SPMIP2: variants seen among roughly 807,000 people sequenced by gnomAD.
SPMIP2 encodes sperm microtubule inner protein 2, also known as protein SPMIP2.
At chr4:159,026,259 T>G in the SPMIP2 span, 8 of 545,712 alleles carry the variant, frequency 1.5e-5, no homozygotes, top group Admixed American at 1.9e-4. Context: ...TCATCATTTG[T>G]GATGACAAAA....
chr4:158,932,750 G>C, the SPMIP2 span, among the ~76,000 whole-genome samples: 2 of 152,156 alleles, frequency 1.3e-5, no homozygotes, highest in African/African-American at 4.8e-5. Context: ...TGGGTACAGG[G>C]CTTCTCAAAG....
the SPMIP2 span, among the ~76,000 whole-genome samples, chr4:158,958,892 A>C: frequency 6.6e-6 from 1 of 152,232 alleles, no homozygotes; most frequent in Admixed American, 6.5e-5. Context: ...ACATTTAATT[A>C]AACAAAAATT....
the SPMIP2 span, among the ~76,000 whole-genome samples, chr4:159,005,705 T>C: frequency 6.6e-6 from 1 of 152,228 alleles, no homozygotes; most frequent in African/African-American, 2.4e-5. Flanking sequence ...ATTGATTTCA[T>C]ATTGAAATAA....
the SPMIP2 span, among the ~76,000 whole-genome samples, chr4:158,943,153 T>C: frequency 1.3e-5 from 2 of 152,266 alleles, no homozygotes; most frequent in Admixed American, 6.5e-5. Flanking sequence ...CCTCAGACTC[T>C]ATAAACATAA....
chr4:159,011,669 G>A, the SPMIP2 span, among the ~76,000 whole-genome samples: 2 of 150,262 alleles, frequency 1.3e-5, no homozygotes, highest in East Asian at 2.0e-4. Context: ...CAGGAGAATC[G>A]CTTGAACCTG....
At chr4:159,078,408 G>A in the SPMIP2 span, among the ~76,000 whole-genome samples, 2 of 152,158 alleles carry the variant, frequency 1.3e-5, no homozygotes, top group East Asian at 1.9e-4. Context: ...ATGAGAGTGC[G>A]GAGTTCCTAC....
chr4:158,921,079 G>C, the SPMIP2 span, among the ~76,000 whole-genome samples: 1 of 152,162 alleles, frequency 6.6e-6, no homozygotes, highest in Non-Finnish European at 1.5e-5. Flanking sequence ...TGAAATATTG[G>C]GGGCAGGTTC....
chr4:159,060,812 C>T, the SPMIP2 span, among the ~76,000 whole-genome samples: 2 of 152,116 alleles, frequency 1.3e-5, no homozygotes, highest in South Asian at 4.2e-4. Flanking sequence ...AGGCTGGGTG[C>T]CGTGGCTCCC....
the SPMIP2 span, among the ~76,000 whole-genome samples, chr4:159,044,804 T>C: frequency 6.6e-6 from 1 of 152,224 alleles, no homozygotes. Flanking sequence ...AAGTCATAGC[T>C]GAGCTGGCTG....
At chr4:159,040,173 T>C in the SPMIP2 span, among the ~76,000 whole-genome samples, 3 of 152,136 alleles carry the variant, frequency 2.0e-5, no homozygotes, top group Admixed American at 2.0e-4. Flanking sequence ...TATATATGTA[T>C]GTATTTTTTC....
chr4:158,971,649 C>A, the SPMIP2 span, among the ~76,000 whole-genome samples: 2 of 152,274 alleles, frequency 1.3e-5, no homozygotes, highest in East Asian at 3.9e-4. Flanking sequence ...ATAGTCCTCA[C>A]AACATAACAA....
the SPMIP2 span, among the ~76,000 whole-genome samples, chr4:158,929,249 C>A: frequency 6.6e-6 from 1 of 152,210 alleles, no homozygotes; most frequent in Non-Finnish European, 1.5e-5. Context: ...CGCTCCTGGC[C>A]CCAAGCAGTC....
chr4:158,969,275 G>C, the SPMIP2 span, among the ~76,000 whole-genome samples: 3 of 152,168 alleles, frequency 2.0e-5, no homozygotes, highest in African/African-American at 7.2e-5. Flanking sequence ...AACCAGCTAA[G>C]CAGCAGTTAG....
At chr4:159,058,413 TGA>T in the SPMIP2 span, among the ~76,000 whole-genome samples, 1 of 152,314 alleles carries the variant, frequency 6.6e-6, no homozygotes, top group East Asian at 1.9e-4. Context: ...CCTTGATTAC[TGA>T]GTGTTTATAT....
the SPMIP2 span, among the ~76,000 whole-genome samples, chr4:159,046,378 A>C: frequency 1.8e-4 from 27 of 152,270 alleles, no homozygotes; most frequent in African/African-American, 6.3e-4. Flanking sequence ...AAACAAGTTC[A>C]CAAAACCCAG....
At chr4:158,975,208 G>T in the SPMIP2 span, among the ~76,000 whole-genome samples, 1 of 151,980 alleles carries the variant, frequency 6.6e-6, no homozygotes, top group Admixed American at 6.6e-5. Context: ...AGCACTTTCA[G>T]ATGGATAGAT....
At chr4:158,915,069 A>G in the SPMIP2 span, 1 of 1,047,654 alleles carries the variant, frequency 9.5e-7, no homozygotes, top group Non-Finnish European at 1.4e-6. Context: ...AAGAAGCTAC[A>G]AAACTGATTA....
At chr4:159,060,268 G>A in the SPMIP2 span, among the ~76,000 whole-genome samples, 1 of 152,202 alleles carries the variant, frequency 6.6e-6, no homozygotes, top group African/African-American at 2.4e-5. Flanking sequence ...CACGGATTCA[G>A]AGGCCTAGTG....
chr4:158,928,299 C>A, the SPMIP2 span, among the ~76,000 whole-genome samples: 26 of 151,712 alleles, frequency 1.7e-4, no homozygotes, highest in Non-Finnish European at 2.9e-4. Context: ...TCTGGTGGGG[C>A]CTTGGAGAAC....
Sources: gnomAD v4.1 joint callset for allele counts (sites outside exome capture counted in the v4.1 genomes callset) on GRCh38, gnomAD v4.1.1 for gene constraint, MANE v1.5 for transcripts, NCBI Gene and HGNC (gene_info 2026-07-23, HGNC 2026-07-21) for gene names.